The following BICC1 variants were observed in gnomAD, a reference collection of about 807,000 sequenced individuals.
The protein encoded by BICC1 is protein bicaudal C homolog 1.
A neutral mutation model predicts 111.0 loss-of-function variants in BICC1; 43 were observed. The ratio of observed to expected loss-of-function variants is 0.39; its 90% CI spans 0.30 to 0.50. The LOEUF is 0.50. BICC1 is among the 20% of genes least tolerant of loss of function. The pLI is 0.88. For missense variants in BICC1, 1,091 were observed against 1,203.2 expected (o/e 0.91, Z 1.38); for synonymous variants, 467 against 434.4 (o/e 1.07, Z -0.93).
chr10:58,724,326 C>A (rs1841031027), intron 3 of BICC1, among the ~76,000 whole-genome samples: 1 of 152,106 alleles, frequency 6.6e-6, no homozygotes, highest in Admixed American at 6.5e-5. Context: ...AGGGGGAAAT[C>A]AAACTATTCT....
chr10:58,806,026 A>T (rs572485243), intron 15 of BICC1, among the ~76,000 whole-genome samples: 2 of 152,324 alleles, frequency 1.3e-5, no homozygotes, highest in African/African-American at 4.8e-5. Flanking sequence ...GCTTAATGTC[A>T]TTATAAATTA....
intron 2 of BICC1, among the ~76,000 whole-genome samples, chr10:58,623,687 G>A (rs1845897759): frequency 6.6e-6 from 1 of 152,144 alleles, no homozygotes; most frequent in Non-Finnish European, 1.5e-5. Context: ...TTGTCCCTAA[G>A]CATGACCTTC....
chr10:58,664,206 C>T (rs7917230), intron 2 of BICC1, among the ~76,000 whole-genome samples: 146,493 of 152,258 alleles, frequency 0.96, 70,764 homozygotes, highest in Middle Eastern at 1. Context: ...TTAGTTGTTT[C>T]ACATCCTTGT....
intron 15 of BICC1, among the ~76,000 whole-genome samples, chr10:58,803,563 ATTC>A (rs1433136717): frequency 6.6e-6 from 1 of 152,154 alleles, no homozygotes. Flanking sequence ...ATTTCTAAGT[ATTC>A]TTGCTTCATG....
At chr10:58,676,886 G>A (rs1005359484) in intron 2 of BICC1, among the ~76,000 whole-genome samples, 3 of 152,196 alleles carry the variant, frequency 2.0e-5, no homozygotes, top group Non-Finnish European at 2.9e-5. Context: ...TGCAGCCTCC[G>A]CTGGTGATAT....
At chr10:58,814,054 T>C (rs765551538) in intron 18 of BICC1, 68 bp downstream of exon 18, 4 of 1,559,230 alleles carry the variant, frequency 2.6e-6, no homozygotes, top group Non-Finnish European at 3.5e-6. Context: ...TGGGTTGGAG[T>C]ATCACTGACT....
At chr10:58,765,620 A>G (rs1842435939) in intron 3 of BICC1, among the ~76,000 whole-genome samples, 1 of 152,232 alleles carries the variant, frequency 6.6e-6, no homozygotes, top group Non-Finnish European at 1.5e-5. Context: ...AATCCCATTA[A>G]TATCTAAGAT....
intron 2 of BICC1, among the ~76,000 whole-genome samples, chr10:58,700,671 A>G (rs559034476): frequency 7.9e-5 from 12 of 152,300 alleles, no homozygotes; most frequent in African/African-American, 2.9e-4. Context: ...ACACCATGAT[A>G]AATGGCAAGT....
chr10:58,534,360 T>C (rs1358153249), intron 1 of BICC1, among the ~76,000 whole-genome samples: 1 of 151,676 alleles, frequency 6.6e-6, no homozygotes, highest in Admixed American at 6.6e-5. Context: ...CGGCAGCCTA[T>C]ACTGTGAACC....
intron 1 of BICC1, among the ~76,000 whole-genome samples, chr10:58,607,532 C>A (rs1845267796): frequency 6.6e-6 from 1 of 151,828 alleles, no homozygotes; most frequent in Non-Finnish European, 1.5e-5. Flanking sequence ...TGCTTTCTCC[C>A]TCCTGTCCTT....
chr10:58,815,209 G>T lies in BICC1; in HGVS notation c.2533+1223G>T, dbSNP rs565564128. Reference sequence around the variant, plus strand: ...CATGGTAGACACTCAGTAACAGTCAGTTGTTACGTTACTATCACTCATGTC... The same window carrying T: ...CATGGTAGACACTCAGTAACAGTCATTTGTTACGTTACTATCACTCATGTC... On this transcript the variant is annotated intron_variant, in intron 18 of 20. Transcript: ENST00000373886. Among the ~76,000 whole-genome samples, 3 of 152,284 alleles carry T rather than the reference G, an allele frequency of 2.0e-5. No homozygotes were observed. In the East Asian group the frequency reaches 5.8e-4, roughly 29 times the overall value.
chr10:58,561,246 A>G (rs1012259015), intron 1 of BICC1, among the ~76,000 whole-genome samples: 4 of 152,008 alleles, frequency 2.6e-5, no homozygotes, highest in Non-Finnish European at 5.9e-5. Flanking sequence ...GGGTGCATAT[A>G]TTTACAATAA....
At chr10:58,574,948 G>A (rs1844064437) in intron 1 of BICC1, among the ~76,000 whole-genome samples, 1 of 151,598 alleles carries the variant, frequency 6.6e-6, no homozygotes, top group South Asian at 2.1e-4. Context: ...GTGTACATTT[G>A]TGTGAAAACG....
intron 3 of BICC1, among the ~76,000 whole-genome samples, chr10:58,762,461 T>C (rs1842342280): frequency 6.6e-6 from 1 of 152,156 alleles, no homozygotes; most frequent in Non-Finnish European, 1.5e-5. Flanking sequence ...TTTTACATGA[T>C]GTAGTATCTG....
chr10:58,533,067 A>G (rs565023795), intron 1 of BICC1, among the ~76,000 whole-genome samples: 1 of 146,892 alleles, frequency 6.8e-6, no homozygotes, highest in African/African-American at 2.5e-5. Context: ...AAAAAGAAAA[A>G]TAAAAAAGAA....
At chr10:58,617,523 G>C (rs569269438) in intron 1 of BICC1, among the ~76,000 whole-genome samples, 1 of 152,344 alleles carries the variant, frequency 6.6e-6, no homozygotes, top group South Asian at 2.1e-4. Flanking sequence ...CATGGTATAC[G>C]AATGGGTCTA....
At chr10:58,670,847 A>G (rs919152618) in intron 2 of BICC1, among the ~76,000 whole-genome samples, 2 of 152,326 alleles carry the variant, frequency 1.3e-5, no homozygotes, top group Non-Finnish European at 2.9e-5. Flanking sequence ...CAATGTAACC[A>G]TACTCATTAA....
At chr10:58,521,046 T>C (rs1269574785) in intron 1 of BICC1, among the ~76,000 whole-genome samples, 1 of 152,140 alleles carries the variant, frequency 6.6e-6, no homozygotes, top group African/African-American at 2.4e-5. Context: ...GAATCATAAG[T>C]ATTTTCTGTT....
At chr10:58,521,770 T>G (rs57396248) in intron 1 of BICC1, among the ~76,000 whole-genome samples, 975 of 10,604 alleles carry the variant, frequency 0.092, 66 homozygotes, top group African/African-American at 0.27. Context: ...AATGTGGTGT[T>G]TTTTTTTTTT....
Sources: allele counts gnomAD v4.1 joint callset (sites outside exome capture counted in the v4.1 genomes callset), GRCh38; gene constraint gnomAD v4.1.1; transcripts MANE v1.5; gene names NCBI Gene and HGNC (gene_info 2026-07-23, HGNC 2026-07-21).